ENAH: variants seen among roughly 807,000 people sequenced by gnomAD.
ENAH encodes the protein ENAH actin regulator.
Under a neutral mutation model 78.7 loss-of-function variants are expected in ENAH, and 23 were observed. The ratio of observed to expected loss-of-function variants is 0.29; its 90% CI spans 0.21 to 0.41. The LOEUF (loss-of-function observed/expected upper bound fraction) is 0.41, where lower values mean the gene tolerates loss of function less well. Among genes scored for constraint, ENAH ranks in the 10% least tolerant of loss-of-function variants. The pLI, the probability that ENAH is intolerant of heterozygous loss-of-function variation, is 1.00. For missense variants in ENAH, 544 were observed against 691.0 expected, an observed-to-expected ratio of 0.79 and a Z score of 2.39; for synonymous variants, 226 against 241.0, an observed-to-expected ratio of 0.94 and a Z score of 0.58.
At chr1:225,647,201 G>C (rs1226461753) in intron 1 of ENAH, among the ~76,000 whole-genome samples, 3 of 152,124 alleles carry the variant, frequency 2.0e-5, no homozygotes, top group Non-Finnish European at 4.4e-5. Context: ...ACTCCAGCCT[G>C]GGCAAGAGTG....
chr1:225,571,630 C>G (rs534886517), intron 1 of ENAH, among the ~76,000 whole-genome samples: 2 of 152,288 alleles, frequency 1.3e-5, no homozygotes, highest in African/African-American at 4.8e-5. Context: ...GACTGGAAGG[C>G]TGGAACTCAG....
At chr1:225,647,429 T>C (rs1662171743) in intron 1 of ENAH, among the ~76,000 whole-genome samples, 1 of 152,218 alleles carries the variant, frequency 6.6e-6, no homozygotes, top group Admixed American at 6.5e-5. Context: ...TCCAAAGGGC[T>C]TAGAATTTAG....
intron 1 of ENAH, among the ~76,000 whole-genome samples, chr1:225,631,795 GTTGTTTTGTT>G (rs149710975): frequency 1.4e-4 from 22 of 152,002 alleles, no homozygotes; most frequent in Admixed American, 9.2e-4. Context: ...GCAAGAGTTA[GTTGTTTTGTT>G]TTGTTTTGTT....
intron 1 of ENAH, among the ~76,000 whole-genome samples, chr1:225,606,953 T>A (rs2096959213): frequency 6.6e-6 from 1 of 151,834 alleles, no homozygotes; most frequent in African/African-American, 2.4e-5. Context: ...CCCAAGGTCC[T>A]GAATAATGCA....
intron 11 of ENAH, chr1:225,504,986 G>A (rs1318770413): frequency 6.2e-7 from 1 of 1,608,546 alleles, no homozygotes; most frequent in East Asian, 2.2e-5. Flanking sequence ...ACAGCAGGAT[G>A]ATACCTGTGT....
At chr1:225,620,385 G>A (rs754616319) in intron 1 of ENAH, among the ~76,000 whole-genome samples, 3 of 151,724 alleles carry the variant, frequency 2.0e-5, no homozygotes, top group African/African-American at 4.9e-5. Flanking sequence ...AATTAGCTGG[G>A]CGTGGTGCCA....
intron 13 of ENAH, 141 bp from the exon 14 acceptor site, chr1:225,497,953 A>G: frequency 4.7e-6 from 3 of 638,560 alleles, no homozygotes; most frequent in East Asian, 2.8e-5. Flanking sequence ...CATTGCACAC[A>G]TCTTTAATAT....
chr1:225,518,012 G>A, intron 5 of ENAH: 1 of 1,526,516 alleles, frequency 6.6e-7, no homozygotes, highest in African/African-American at 1.4e-5. Context: ...GTGGAAAGCA[G>A]CAGCAAAAGA....
intron 1 of ENAH, among the ~76,000 whole-genome samples, chr1:225,591,763 T>TGAAAAAAA (rs1558871217): frequency 5.1e-5 from 2 of 38,848 alleles, no homozygotes; most frequent in African/African-American, 3.3e-4. Context: ...AGACTCCGTC[T>TGAAAAAAA]CAAAAAAAAA....
intron 1 of ENAH, among the ~76,000 whole-genome samples, chr1:225,642,186 G>T (rs1661191740): frequency 7.1e-6 from 1 of 141,690 alleles, no homozygotes; most frequent in African/African-American, 2.6e-5. Context: ...GCCTGGGTGA[G>T]AAAGAGTGAG....
intron 1 of ENAH, among the ~76,000 whole-genome samples, chr1:225,604,582 G>A (rs900194967): frequency 2.0e-5 from 3 of 147,254 alleles, no homozygotes; most frequent in African/African-American, 7.6e-5. Flanking sequence ...TCAGGAGTTC[G>A]AGACCAGCCT....
chr1:225,552,963 G>A (rs2151414285), intron 3 of ENAH, among the ~76,000 whole-genome samples: 2 of 152,318 alleles, frequency 1.3e-5, no homozygotes, highest in South Asian at 4.1e-4. Context: ...GCTGTGCACG[G>A]TGGCTCATGC....
At chr1:225,524,703 G>T in intron 4 of ENAH, 1 of 932,750 alleles carries the variant, frequency 1.1e-6, no homozygotes, top group Non-Finnish European at 1.3e-6. Context: ...GTTCTGTGCC[G>T]CAATTATTAT....
chr1:225,579,440 A>G (rs933657879), intron 1 of ENAH, among the ~76,000 whole-genome samples: 1 of 152,206 alleles, frequency 6.6e-6, no homozygotes, highest in African/African-American at 2.4e-5. Flanking sequence ...AGAATATCAG[A>G]TTTTTTTAAG....
At chr1:225,653,270 C>T (rs1307173157), upstream of ENAH, 1 of 151,068 alleles carries the variant, frequency 6.6e-6, no homozygotes, top group Non-Finnish European at 1.5e-5. This position sits in a 1 kb window ranked among gnomAD's most constrained non-coding sequence, Gnocchi z 4.3. Context: ...GGCGCACTCC[C>T]CCGCGCCGGC....
intron 4 of ENAH, among the ~76,000 whole-genome samples, chr1:225,525,156 T>C (rs1177988106): frequency 6.6e-6 from 1 of 152,192 alleles, no homozygotes; most frequent in Non-Finnish European, 1.5e-5. Context: ...TTTAGAACTA[T>C]TACTTCTAGA....
chr1:225,603,842 C>T (rs1348509319), intron 1 of ENAH, among the ~76,000 whole-genome samples: 1 of 152,160 alleles, frequency 6.6e-6, no homozygotes, highest in East Asian at 1.9e-4. Context: ...ATTTAAGTAG[C>T]TAATGGCTAT....
At chr1:225,516,122 T>C (rs946087819) in intron 6 of ENAH, among the ~76,000 whole-genome samples, 1 of 152,292 alleles carries the variant, frequency 6.6e-6, no homozygotes, top group East Asian at 1.9e-4. Context: ...ACCAGGTCCT[T>C]TTCTACTTAC....
chr1:225,535,522 G>A (rs2096557653), intron 3 of ENAH: 5 of 1,303,104 alleles, frequency 3.8e-6, no homozygotes, highest in South Asian at 2.5e-5. Context: ...AAAATACATC[G>A]CAAATTAGTG....
Sources: allele counts gnomAD v4.1 joint callset (sites outside exome capture counted in the v4.1 genomes callset), GRCh38; gene constraint gnomAD v4.1.1; non-coding constraint Gnocchi (gnomAD v3.1); transcripts MANE v1.5; gene names NCBI Gene and HGNC (gene_info 2026-07-23, HGNC 2026-07-21).